Variants in CMIP observed in about 807,000 individuals in gnomAD.
CMIP encodes c-Maf inducing protein.
CMIP carries 13 observed loss-of-function variants against 97.3 expected under a neutral mutation model. That is an observed-to-expected ratio of 0.13 (90% confidence interval 0.09 to 0.21). The LOEUF is 0.21. Ranked by LOEUF, CMIP falls within the 10% of genes least tolerant of loss-of-function variation. The probability of loss-of-function intolerance (pLI) is 1.00; values close to 1 mark genes in which losing one functional copy is unlikely to be tolerated. For synonymous variants in CMIP, 538 were observed against 436.3 expected, an observed-to-expected ratio of 1.23 and a Z score of -2.91; for missense variants, 847 against 1,024.9, an observed-to-expected ratio of 0.83 and a Z score of 2.37.
chr16:81,604,953 A>G (rs73598448), intron 1 of CMIP, among the ~76,000 whole-genome samples: 14,333 of 152,176 alleles, frequency 0.094, 1,646 homozygotes, highest in African/African-American at 0.26. Flanking sequence ...TAAATGTCAG[A>G]CGCCATTTAG....
intron 1 of CMIP, among the ~76,000 whole-genome samples, chr16:81,594,772 C>T (rs1162384105): frequency 5.3e-5 from 8 of 149,894 alleles, no homozygotes; most frequent in Non-Finnish European, 7.4e-5. Flanking sequence ...TGTCACCACG[C>T]CCAGCTAATT....
At chr16:81,692,378 A>G (rs1272212428) in intron 11 of CMIP, among the ~76,000 whole-genome samples, 1 of 152,146 alleles carries the variant, frequency 6.6e-6, no homozygotes, top group East Asian at 1.9e-4. Context: ...CTAGCACCAT[A>G]TTGAATTGAT....
chr16:81,505,672 T>C (rs1367590965), intron 1 of CMIP, among the ~76,000 whole-genome samples: 1 of 152,216 alleles, frequency 6.6e-6, no homozygotes, highest in Non-Finnish European at 1.5e-5. Context: ...TTTGAGTCTC[T>C]CCTCAGTGAA....
chr16:81,703,920 C>T lies in CMIP; in HGVS notation c.1945-19C>T, dbSNP rs1907720326. ...AACTCCCAGCAGCACCCTCAGGCCTCTCCCCCGTCTGCCCGCAGGACGCTG... is the reference window on the plus strand; with the variant it reads ...AACTCCCAGCAGCACCCTCAGGCCTTTCCCCCGTCTGCCCGCAGGACGCTG... On this transcript the variant is annotated intron_variant, in intron 17 of 20. Transcript: ENST00000537098. 2 of 1,585,074 alleles carry T rather than the reference C, an allele frequency of 1.3e-6. No individual in the cohort carries two copies. The highest frequency in any genetic ancestry group is 1.7e-5 in the Admixed American group (1 of 57,758).
chr16:81,614,230 C>G lies in CMIP; in HGVS notation c.426+6538C>G, dbSNP rs1182536698. Among the ~76,000 whole-genome samples, 1 of 152,198 alleles carries G rather than the reference C, an allele frequency of 6.6e-6. No homozygotes were observed. Among genetic ancestry groups the G allele is most frequent in the Non-Finnish European group, 1.5e-5 (1 of 68,024 alleles). ...GAGTACACGCTGCATGGAAGCCAGT[C>G]TGAGAGCAGGGCAGGCCAGGTGCTG... is the stretch of plus-strand genomic sequence containing the variant. On this transcript the variant is annotated intron_variant, in intron 2 of 20. Coordinates refer to ENST00000537098, the MANE Select transcript of CMIP (RefSeq NM_198390.3). This position sits in a 1 kb window ranked among gnomAD's most constrained non-coding sequence, Gnocchi z 5.3.
intron 8 of CMIP, among the ~76,000 whole-genome samples, chr16:81,671,310 G>A (rs1370468665): frequency 1.3e-5 from 2 of 152,194 alleles, no homozygotes; most frequent in Non-Finnish European, 2.9e-5. Context: ...TCAGGTTAGG[G>A]CATTCTTAGT....
chr16:81,679,376 G>A (rs554986899), intron 10 of CMIP, among the ~76,000 whole-genome samples: 3 of 152,194 alleles, frequency 2.0e-5, no homozygotes, highest in Non-Finnish European at 4.4e-5. Flanking sequence ...TGTGCTGTAG[G>A]GTTAGAGAGC....
intron 1 of CMIP, among the ~76,000 whole-genome samples, chr16:81,470,871 TG>T (rs1907485369): frequency 6.6e-6 from 1 of 152,246 alleles, no homozygotes; most frequent in Non-Finnish European, 1.5e-5. Flanking sequence ...CTGAAACTCC[TG>T]AGATCAGTAC....
At chr16:81,468,333 T>C (rs1398877092) in intron 1 of CMIP, among the ~76,000 whole-genome samples, 2 of 152,246 alleles carry the variant, frequency 1.3e-5, no homozygotes, top group Non-Finnish European at 2.9e-5. Flanking sequence ...TTTCTGGAAG[T>C]AGAGCGCAAA....
rs537727902 is a variant in CMIP, at chr16:81,497,953, C to T, written c.300+52412C>T. Among the ~76,000 whole-genome samples the T allele has an allele frequency of 2.6e-5, 4 of 152,388 alleles. No homozygotes were observed. The South Asian group carries it at 8.3e-4, about 32-fold the overall frequency. On this transcript the variant is annotated intron_variant, in intron 1 of 20. Transcript: ENST00000537098. ...CTCCAGGCAGTGCCTGCCGACTCTC[C>T]GGTGCTTCCCTTATTTTATTCCTCT...
intron 1 of CMIP, among the ~76,000 whole-genome samples, chr16:81,554,471 G>T (rs1307128835): frequency 1.3e-5 from 2 of 152,202 alleles, no homozygotes; most frequent in African/African-American, 4.8e-5. Context: ...ACTCTTTCCT[G>T]TTGAGCCCAG....
chr16:81,632,180 C>G (rs2092171132), intron 3 of CMIP: 1 of 152,174 alleles, frequency 6.6e-6, no homozygotes, highest in South Asian at 2.1e-4. Flanking sequence ...CGCCCCTTTC[C>G]AGCCAGTTCC....
intron 1 of CMIP, among the ~76,000 whole-genome samples, chr16:81,598,180 A>G (rs1473800710): frequency 4.6e-5 from 7 of 152,104 alleles, no homozygotes; most frequent in African/African-American, 1.7e-4. Flanking sequence ...AGTGGAGGGT[A>G]TCGCCTACAA....
At chr16:81,460,647 A>C (rs531774142) in intron 1 of CMIP, among the ~76,000 whole-genome samples, 1 of 152,146 alleles carries the variant, frequency 6.6e-6, no homozygotes, top group Non-Finnish European at 1.5e-5. Flanking sequence ...TTCCTCTGCC[A>C]TCTGTTTCCT....
chr16:81,570,060 C>G (rs921269902), intron 1 of CMIP, among the ~76,000 whole-genome samples: 7 of 152,194 alleles, frequency 4.6e-5, no homozygotes, highest in African/African-American at 1.7e-4. Context: ...TCTTCCTTTT[C>G]CCTCTCTCCC....
chr16:81,605,114 A>G (rs1356679545), intron 1 of CMIP, among the ~76,000 whole-genome samples: 1 of 152,208 alleles, frequency 6.6e-6, no homozygotes, highest in African/African-American at 2.4e-5. Flanking sequence ...CTTCTCCGGC[A>G]GTGCTCAGGA....
intron 1 of CMIP, among the ~76,000 whole-genome samples, chr16:81,516,280 C>T (rs571958164): frequency 1.4e-4 from 21 of 152,304 alleles, no homozygotes; most frequent in African/African-American, 5.1e-4. Context: ...CTCTTGATTC[C>T]TCCGGGGATT....
intron 1 of CMIP, among the ~76,000 whole-genome samples, chr16:81,545,587 G>A (rs1032423911): frequency 1.3e-5 from 2 of 152,182 alleles, no homozygotes; most frequent in African/African-American, 4.8e-5. Flanking sequence ...ATGGAAGCAT[G>A]AGGCTGGAGA....
At chr16:81,468,709 C>T (rs1247423865) in intron 1 of CMIP, among the ~76,000 whole-genome samples, 1 of 152,188 alleles carries the variant, frequency 6.6e-6, no homozygotes, top group Non-Finnish European at 1.5e-5. Flanking sequence ...TCAGGGTGGG[C>T]ACTCGTGGGA....
Sources: gnomAD v4.1 joint callset for allele counts (sites outside exome capture counted in the v4.1 genomes callset) on GRCh38, gnomAD v4.1.1 for gene constraint, Gnocchi (gnomAD v3.1) non-coding constraint, MANE v1.5 for transcripts, NCBI Gene and HGNC (gene_info 2026-07-23, HGNC 2026-07-21) for gene names.